The following RARB variants were observed in gnomAD, a reference collection of about 807,000 sequenced individuals.
RARB encodes retinoic acid receptor beta.
RARB carries 17 observed loss-of-function variants against 51.9 expected under a neutral mutation model. The observed-to-expected ratio is 0.33, with a 90% confidence interval of 0.22 to 0.49. The LOEUF is 0.49. RARB is among the 20% of genes least tolerant of loss of function. The pLI is 0.99. For missense variants in RARB, 369 were observed against 550.8 expected (o/e 0.67, Z 3.30); for synonymous variants, 215 against 195.4 (o/e 1.10, Z -0.84).
chr3:24,996,816 A>T (rs1056657096), intron 2 of RARB, among the ~76,000 whole-genome samples: 3 of 152,090 alleles, frequency 2.0e-5, no homozygotes, highest in Non-Finnish European at 2.9e-5. Context: ...GTCAGATAAG[A>T]TACTGGATGT....
chr3:25,134,990 A>G (rs941041876), intron 4 of RARB, among the ~76,000 whole-genome samples: 3 of 151,944 alleles, frequency 2.0e-5, no homozygotes, highest in African/African-American at 7.2e-5. Flanking sequence ...TAAAAATTAC[A>G]TAGTAAGCAT....
Position 25,428,650 on chromosome 3 carries a change from G to A in RARB, c.-82G>A. On this transcript the variant is annotated 5_prime_UTR_variant, in exon 1 of 8. Transcript: ENST00000330688. ...GCCAAAAAAGGGGCAGAGTTTGATG[G>A]AGTTGGGTGGACTTTTCTATGCCAT... 1 of 1,500,514 alleles carries A rather than the reference G, an allele frequency of 6.7e-7. No homozygotes were observed. 92.9% of individuals were successfully genotyped at this position (1,500,514 alleles called of 1,614,324 possible). A position where few individuals can be genotyped will look rare whatever the true frequency, so the allele number is the denominator to read the frequency against.
At chr3:25,224,291 C>T (rs1056603730) in intron 5 of RARB, among the ~76,000 whole-genome samples, 1 of 152,170 alleles carries the variant, frequency 6.6e-6, no homozygotes, top group Non-Finnish European at 1.5e-5. Flanking sequence ...CCTAAGAGGA[C>T]TGCTAGTATG....
At chr3:25,347,638 C>T (rs567240038) in intron 5 of RARB, among the ~76,000 whole-genome samples, 15 of 152,264 alleles carry the variant, frequency 9.9e-5, no homozygotes, top group Middle Eastern at 3.4e-3. Context: ...ATCATGGTAC[C>T]AGAAACTTCA....
intron 2 of RARB, among the ~76,000 whole-genome samples, chr3:25,016,887 A>G (rs1020217673): frequency 6.6e-6 from 1 of 152,122 alleles, no homozygotes; most frequent in African/African-American, 2.4e-5. Context: ...TCTGATTTAT[A>G]CTATCCCCTT....
intron 5 of RARB, among the ~76,000 whole-genome samples, chr3:25,273,445 C>T (rs181827135): frequency 6.6e-6 from 1 of 152,160 alleles, no homozygotes; most frequent in East Asian, 1.9e-4. Context: ...GAGTTTCTAC[C>T]CTTTTGCCTT....
At chr3:24,972,178 C>T (rs1167835360) in intron 2 of RARB, among the ~76,000 whole-genome samples, 1 of 151,868 alleles carries the variant, frequency 6.6e-6, no homozygotes, top group African/African-American at 2.4e-5. Context: ...TCGTCACCAC[C>T]AACCTACTCT....
At chr3:25,063,861 G>A (rs1698604982) in intron 3 of RARB, among the ~76,000 whole-genome samples, 1 of 152,044 alleles carries the variant, frequency 6.6e-6, no homozygotes, top group South Asian at 2.1e-4. Flanking sequence ...AGTCTCAGAA[G>A]TTGTGGTTTA....
intron 3 of RARB, among the ~76,000 whole-genome samples, chr3:25,069,804 T>C (rs1205080581): frequency 6.6e-6 from 1 of 152,118 alleles, no homozygotes; most frequent in Non-Finnish European, 1.5e-5. Context: ...CATATACAAA[T>C]GTTGAGACAC....
intron 2 of RARB, among the ~76,000 whole-genome samples, chr3:24,880,647 G>A (rs1703141164): frequency 1.3e-5 from 2 of 152,120 alleles, no homozygotes; most frequent in South Asian, 2.1e-4. Flanking sequence ...ACCTATATAT[G>A]GGTACAAGTA....
chr3:24,924,588 C>T (rs906033180), intron 2 of RARB, among the ~76,000 whole-genome samples: 3 of 152,078 alleles, frequency 2.0e-5, no homozygotes, highest in Admixed American at 2.0e-4. Flanking sequence ...CAGCATAGCT[C>T]TATGAATATT....
intron 2 of RARB, among the ~76,000 whole-genome samples, chr3:25,026,837 T>C (rs986442357): frequency 6.6e-6 from 1 of 152,178 alleles, no homozygotes; most frequent in Non-Finnish European, 1.5e-5. Flanking sequence ...AACCATGGAT[T>C]TGGGAAGATA....
intron 3 of RARB, among the ~76,000 whole-genome samples, chr3:25,094,299 G>A (rs1442418370): frequency 6.6e-6 from 1 of 152,198 alleles, no homozygotes; most frequent in Non-Finnish European, 1.5e-5. Context: ...GATGGCATAT[G>A]TAGCTATACC....
intron 5 of RARB, among the ~76,000 whole-genome samples, chr3:25,195,995 C>T (rs762030804): frequency 1.3e-5 from 2 of 151,858 alleles, no homozygotes; most frequent in African/African-American, 2.4e-5. Context: ...TCCTCTGCTT[C>T]GAGTCATTTA....
chr3:24,991,150 G>T (rs1238119710), intron 2 of RARB, among the ~76,000 whole-genome samples: 1 of 152,126 alleles, frequency 6.6e-6, no homozygotes, highest in African/African-American at 2.4e-5. Flanking sequence ...CTGTTAAAAA[G>T]AAAATTAGGG....
Position 25,299,555 on chromosome 3 carries a change from A to C in RARB, c.178+124980A>C, listed in dbSNP as rs575668490. Among the ~76,000 whole-genome samples, 13 of 152,290 alleles carry C rather than the reference A, an allele frequency of 8.5e-5. No homozygotes were observed. In the South Asian group the frequency reaches 2.3e-3, roughly 27 times the overall value. ...TGAATGGAAGTAACCACAGTATTACAAGCAGTGCCTGGTATGATTTTCTTC... is the reference window on the plus strand; with the variant it reads ...TGAATGGAAGTAACCACAGTATTACCAGCAGTGCCTGGTATGATTTTCTTC... On this transcript the variant is annotated intron_variant, in intron 5 of 11. Transcript: ENST00000383772.
At chr3:25,198,867 G>A (rs1701312529) in intron 5 of RARB, among the ~76,000 whole-genome samples, 1 of 152,090 alleles carries the variant, frequency 6.6e-6, no homozygotes, top group Admixed American at 6.6e-5. Flanking sequence ...AACCACTGTG[G>A]AGAGAAAAGT....
intron 2 of RARB, among the ~76,000 whole-genome samples, chr3:24,868,367 G>T (rs996263447): frequency 1.3e-5 from 2 of 152,082 alleles, no homozygotes; most frequent in African/African-American, 4.8e-5. Flanking sequence ...GGCTGATAAA[G>T]CTTTTAAAAA....
At chr3:25,228,800 T>C (rs895510374) in intron 5 of RARB, among the ~76,000 whole-genome samples, 1 of 152,170 alleles carries the variant, frequency 6.6e-6, no homozygotes, top group Admixed American at 6.6e-5. Context: ...GCATGGATAG[T>C]CTCTCACCAG....
Sources: gnomAD v4.1 joint callset for allele counts (sites outside exome capture counted in the v4.1 genomes callset) on GRCh38, gnomAD v4.1.1 for gene constraint, MANE v1.5 for transcripts, NCBI Gene and HGNC (gene_info 2026-07-23, HGNC 2026-07-21) for gene names.